The following PCSK2 variants were observed in gnomAD, a reference collection of about 807,000 sequenced individuals.
The protein encoded by PCSK2 is proprotein convertase subtilisin/kexin type 2, also known as neuroendocrine convertase 2.
PCSK2 carries 14 observed loss-of-function variants against 69.7 expected under a neutral mutation model. That is an observed-to-expected ratio of 0.20 (90% confidence interval 0.13 to 0.31). The LOEUF is 0.31. PCSK2 is among the 10% of genes least tolerant of loss of function. The pLI, the probability that PCSK2 is intolerant of heterozygous loss-of-function variation, is 1.00. For missense variants in PCSK2, 544 were observed against 842.5 expected, an observed-to-expected ratio of 0.65 and a Z score of 4.39; for synonymous variants, 307 against 320.7, an observed-to-expected ratio of 0.96 and a Z score of 0.46.
chr20:17,354,508 A>G (rs1318124055), intron 2 of PCSK2, among the ~76,000 whole-genome samples: 1 of 152,206 alleles, frequency 6.6e-6, no homozygotes, highest in African/African-American at 2.4e-5. Flanking sequence ...TAAGGGCTTT[A>G]TCATACATGG....
intron 2 of PCSK2, among the ~76,000 whole-genome samples, chr20:17,315,021 T>C (rs1989634479): frequency 6.6e-6 from 1 of 152,202 alleles, no homozygotes; most frequent in Non-Finnish European, 1.5e-5. Context: ...TTTCAATTCC[T>C]TCCTGAAATA....
At chr20:17,226,502 GGTGT>G, upstream of PCSK2, 1 of 146,982 alleles carries the variant, frequency 6.8e-6, no homozygotes, top group Non-Finnish European at 1.5e-5. Flanking sequence ...GTATGCCTTG[GGTGT>G]GTGTGTGTGT....
At chr20:17,251,504 G>A (rs1326836948) in intron 1 of PCSK2, among the ~76,000 whole-genome samples, 1 of 152,232 alleles carries the variant, frequency 6.6e-6, no homozygotes, top group Non-Finnish European at 1.5e-5. Context: ...GCTGATCTGA[G>A]TCCAGGCCTG....
chr20:17,347,960 G>GAAAGAA lies in PCSK2; in HGVS notation c.283-10366_283-10365insAAGAAA, dbSNP rs1375546256. On this transcript the variant is annotated intron_variant, in intron 2 of 11. Coordinates refer to ENST00000262545, the MANE Select transcript of PCSK2 (RefSeq NM_002594.5). ...AGAAAGAAAGAAAGAAAGAAAGAAA[G>GAAAGAA]AGAAAGAAAGAAAGAAAGAAAGAGG... Among the ~76,000 whole-genome samples the GAAAGAA allele has an allele frequency of 6.2e-4, 42 of 68,084 alleles. 2 individuals carry two copies. Among genetic ancestry groups the GAAAGAA allele is most frequent in the African/African-American group, 2.7e-3 (36 of 13,266 alleles). 44.7% of individuals were successfully genotyped at this position (68,084 alleles called of 152,430 possible).
chr20:17,315,491 G>C (rs985523509), intron 2 of PCSK2, among the ~76,000 whole-genome samples: 1 of 152,152 alleles, frequency 6.6e-6, no homozygotes, highest in African/African-American at 2.4e-5. Context: ...CGCGGAAAGC[G>C]TCCCGGTGCA....
chr20:17,391,327 A>G (rs890163841), intron 5 of PCSK2, among the ~76,000 whole-genome samples: 1 of 152,230 alleles, frequency 6.6e-6, no homozygotes, highest in African/African-American at 2.4e-5. Flanking sequence ...AGCTGACATC[A>G]ACATGGCCTT....
intron 2 of PCSK2, among the ~76,000 whole-genome samples, chr20:17,322,233 G>T (rs1989891349): frequency 6.6e-6 from 1 of 152,174 alleles, no homozygotes; most frequent in Non-Finnish European, 1.5e-5. Context: ...GGTCTTGCAA[G>T]GCAGGGCACT....
At chr20:17,285,786 C>T (rs906314840) in intron 2 of PCSK2, among the ~76,000 whole-genome samples, 1 of 152,136 alleles carries the variant, frequency 6.6e-6, no homozygotes, top group African/African-American at 2.4e-5. Context: ...GTGGAATTTT[C>T]CTTGCTCCAG....
At chr20:17,318,539 T>G (rs969915632) in intron 2 of PCSK2, among the ~76,000 whole-genome samples, 2 of 152,258 alleles carry the variant, frequency 1.3e-5, no homozygotes, top group African/African-American at 4.8e-5. Context: ...GTCAAGTGTC[T>G]GTGATTGCAG....
chr20:17,398,503 TAC>T (rs1303707696), intron 5 of PCSK2, among the ~76,000 whole-genome samples: 3 of 124,672 alleles, frequency 2.4e-5, no homozygotes, highest in African/African-American at 9.3e-5. Flanking sequence ...TAGCCTGGGT[TAC>T]AGAGTGAGAT....
intron 5 of PCSK2, among the ~76,000 whole-genome samples, chr20:17,399,405 C>T (rs1180290945): frequency 6.6e-6 from 1 of 152,126 alleles, no homozygotes; most frequent in East Asian, 1.9e-4. Context: ...TTAACATAAA[C>T]AAATGTATTT....
intron 2 of PCSK2, among the ~76,000 whole-genome samples, chr20:17,356,669 A>G (rs1055319007): frequency 2.0e-5 from 3 of 152,172 alleles, no homozygotes; most frequent in Admixed American, 6.5e-5. Flanking sequence ...CTTCAACCAG[A>G]GAGAAGTTGT....
intron 5 of PCSK2, among the ~76,000 whole-genome samples, chr20:17,400,642 C>T (rs1025846430): frequency 3.9e-5 from 6 of 152,008 alleles, no homozygotes; most frequent in Non-Finnish European, 8.8e-5. Flanking sequence ...GTCTTCCTTC[C>T]ACCCTAGACC....
intron 2 of PCSK2, among the ~76,000 whole-genome samples, chr20:17,341,327 T>C (rs923801040): frequency 6.6e-6 from 1 of 152,192 alleles, no homozygotes; most frequent in South Asian, 2.1e-4. Context: ...TCTGAACAAA[T>C]AAGTGATTAA....
chr20:17,378,100 G>T (rs2030980838), intron 5 of PCSK2, among the ~76,000 whole-genome samples: 1 of 152,082 alleles, frequency 6.6e-6, no homozygotes. Context: ...TCACATGTAA[G>T]TATATAATTA....
At chr20:17,303,736 C>G (rs888214375) in intron 2 of PCSK2, among the ~76,000 whole-genome samples, 1 of 146,806 alleles carries the variant, frequency 6.8e-6, no homozygotes, top group Non-Finnish European at 1.5e-5. Context: ...GCCACCCCAC[C>G]CATCTAATTT....
chr20:17,251,880 AAGC>A (rs1986995504), intron 1 of PCSK2, among the ~76,000 whole-genome samples: 1 of 152,168 alleles, frequency 6.6e-6, no homozygotes, highest in African/African-American at 2.4e-5. Flanking sequence ...AATCATGTGA[AAGC>A]TTCTTAATAT....
chr20:17,227,266 C>T lies in PCSK2; in HGVS notation c.-40C>T, dbSNP rs955290731. On this transcript the variant is annotated 5_prime_UTR_variant, in exon 1 of 12. Transcript: ENST00000262545. ...CCTCCGAGTCCCCTGCTCCGCCAGC[C>T]TGCGCGCCTCCTAGCACCACTTTTC... is the stretch of plus-strand genomic sequence containing the variant. The T allele has an allele frequency of 6.5e-7, 1 of 1,547,790 alleles. No homozygotes were observed. Among genetic ancestry groups the T allele is most frequent in the African/African-American group, 1.4e-5 (1 of 73,500 alleles).
At chr20:17,402,102 A>C (rs2123290131) in intron 5 of PCSK2, among the ~76,000 whole-genome samples, 1 of 152,302 alleles carries the variant, frequency 6.6e-6, no homozygotes, top group East Asian at 1.9e-4. Context: ...TACCCTCCGG[A>C]GGTGTCTGCC....
Sources: gnomAD v4.1 joint callset for allele counts (sites outside exome capture counted in the v4.1 genomes callset) on GRCh38, gnomAD v4.1.1 for gene constraint, MANE v1.5 for transcripts, NCBI Gene and HGNC (gene_info 2026-07-23, HGNC 2026-07-21) for gene names.